SAC3D1: variants seen among roughly 807,000 people sequenced by gnomAD.
The protein encoded by SAC3D1 is SAC3 domain containing 1.
Under a neutral mutation model 12.7 loss-of-function variants are expected in SAC3D1, and 10 were observed. That is an observed-to-expected ratio of 0.79 (90% CI 0.49 to 1.34). The LOEUF (loss-of-function observed/expected upper bound fraction) is 1.34, where lower values mean the gene tolerates loss of function less well. Among genes scored for constraint, SAC3D1 ranks in the 40% most tolerant of loss-of-function variants. SAC3D1 has a pLI of 0.00. For missense variants in SAC3D1, 482 were observed against 531.1 expected (o/e 0.91, Z 0.91); for synonymous variants, 241 against 250.8 (o/e 0.96, Z 0.37).
intron 1 of SAC3D1, 128 bp downstream of exon 1, chr11:65,041,994 C>A: frequency 7.5e-6 from 9 of 1,206,862 alleles, no homozygotes; most frequent in Non-Finnish European, 8.3e-6. Context: ...GCACAAGATC[C>A]ACCGAGCCCC....
In SAC3D1 at chr11:65,044,653, G is replaced by A; in HGVS notation, c.1003G>A (p.Gly335Arg). Residue 335 changes from glycine to arginine, a missense_variant, in exon 2 of 2, where the codon GGA becomes AGA. By Grantham distance (125) the Gly-to-Arg change is moderately radical (BLOSUM62 -2). Coordinates refer to ENST00000652489, the MANE Select transcript of SAC3D1 (RefSeq NM_013299.4). The surrounding 1 kb of genome is among the most constrained non-coding windows in gnomAD (Gnocchi z 4.0). ...GGTGTTAGTGGAGAGCAAACTTCGAGGACGTACCCTGGAGGAGGTGGTCAT... is the reference window on the plus strand; with the variant it reads ...GGTGTTAGTGGAGAGCAAACTTCGAAGACGTACCCTGGAGGAGGTGGTCAT... ...CKVLVESKLR[G>R]RTLEEVVMAE... 2 of 1,613,834 alleles carry A rather than the reference G, an allele frequency of 1.2e-6. No individual in the cohort carries two copies. Among genetic ancestry groups the A allele is most frequent in the Admixed American group, 1.7e-5 (1 of 60,020 alleles).
chr11:65,041,850 T>A lies in SAC3D1; in HGVS notation c.558T>A (p.Phe186Leu). 1 of 1,467,412 alleles carries A rather than the reference T, an allele frequency of 6.8e-7. No individual in the cohort carries two copies. The highest frequency in any genetic ancestry group is 9.0e-7 in the Non-Finnish European group (1 of 1,116,520). The allele number at this position is 1,467,412 out of a possible 1,614,324, so 90.9% of individuals were successfully genotyped here. Reference sequence around the variant, plus strand: ...GCCAACCCGCCTTCCAGGGCCTCTTTCTGCTCTATAACCTGGGTGAGTCGG... The same window carrying A: ...GCCAACCCGCCTTCCAGGGCCTCTTACTGCTCTATAACCTGGGTGAGTCGG... ...HPRQPAFQGL[F>L]LLYNLGSVEA... Residue 186 changes from phenylalanine (F) to leucine (L), a missense_variant, in exon 1 of 2, where the codon TTT (phenylalanine) becomes TTA (leucine). Phe to Leu is a conservative substitution (Grantham distance 22, BLOSUM62 0). Coordinates refer to ENST00000652489, the MANE Select transcript of SAC3D1 (RefSeq NM_013299.4).
intron 1 of SAC3D1, chr11:65,043,216 G>A: frequency 3.4e-6 from 1 of 292,096 alleles, no homozygotes; most frequent in Non-Finnish European, 6.9e-6. Context: ...GGGTGGTGAG[G>A]TGACTTGCCT....
upstream of SAC3D1, chr11:65,040,972 A>C (rs1353144801): frequency 2.4e-6 from 1 of 423,134 alleles, no homozygotes; most frequent in Non-Finnish European, 4.3e-6. Context: ...ACACGTTAAA[A>C]ACACTAAGGG....
In SAC3D1 at chr11:65,044,462, A is replaced by C; in HGVS notation, c.812A>C (p.Gln271Pro). ...CGTGCCTTTAGCACCCCCAAGGGCCAGACCTTGCCTCTGGGCTTCATGGTC... is the reference window on the plus strand; with the variant it reads ...CGTGCCTTTAGCACCCCCAAGGGCCCGACCTTGCCTCTGGGCTTCATGGTC... ...FARAFSTPKGQTLPLGFMVNL... is the reference protein window; with the variant it reads ...FARAFSTPKGPTLPLGFMVNL... The change falls in exon 2 of 2, where the codon CAG becomes CCG. Residue 271 changes from glutamine to proline, a missense_variant. Gln to Pro is a moderately conservative substitution (Grantham distance 76). This residue lies in a region of SAC3D1 where 225 missense variants were observed against 241.1 expected (regional missense o/e 0.93). Coordinates refer to ENST00000652489, the MANE Select transcript of SAC3D1 (RefSeq NM_013299.4). This position sits in a 1 kb window ranked among gnomAD's most constrained non-coding sequence, Gnocchi z 4.0. The C allele has an allele frequency of 6.2e-7, 1 of 1,614,010 alleles. No individual in the cohort carries two copies. Among genetic ancestry groups the C allele is most frequent in the Non-Finnish European group, 8.5e-7 (1 of 1,180,038 alleles).
chr11:65,044,635 G>A lies in SAC3D1; in HGVS notation c.985G>A (p.Val329Met). ...GCCTGCCAGTACGTGCAAGGTGTTA[G>A]TGGAGAGCAAACTTCGAGGACGTAC... ...LPPASTCKVL[V>M]ESKLRGRTLE... The change falls in exon 2 of 2, where the codon GTG (valine) becomes ATG (methionine). Residue 329 changes from valine (V) to methionine (M), a missense_variant. Val to Met is a conservative substitution (Grantham distance 21). Transcript: ENST00000652489. The surrounding 1 kb of genome is among the most constrained non-coding windows in gnomAD (Gnocchi z 4.0). The A allele has an allele frequency of 6.2e-7, 1 of 1,613,962 alleles. No individual in the cohort carries two copies. Among genetic ancestry groups the A allele is most frequent in the Non-Finnish European group, 8.5e-7 (1 of 1,180,026 alleles).
At chr11:65,043,419 G>GACA (rs1254623039) in intron 1 of SAC3D1, among the ~76,000 whole-genome samples, 1 of 151,998 alleles carries the variant, frequency 6.6e-6, no homozygotes, top group Non-Finnish European at 1.5e-5. Flanking sequence ...GAGCCACTGT[G>GACA]CCCAAATAAG....
chr11:65,041,577 C>T lies in SAC3D1; in HGVS notation c.285C>T (p.Ala95=), dbSNP rs374738775. The change falls in exon 1 of 2, where the codon GCC becomes GCT. Residue 95 remains alanine (A), a synonymous_variant. Coordinates refer to ENST00000652489, the MANE Select transcript of SAC3D1 (RefSeq NM_013299.4). ...CGGAGAGCGCCGACATCGCCCGCGC[C>T]GAGGTGGCCAGCTTCGTGGCAGACC... ...EVAESADIAR[A]EVASFVADRL... 8.1e-6 allele frequency: 12 copies of T among 1,477,586 alleles called. No homozygotes were observed. Among genetic ancestry groups the T allele is most frequent in the Admixed American group, 6.9e-5 (3 of 43,486 alleles). 91.5% of individuals were successfully genotyped at this position (1,477,586 alleles called of 1,614,324 possible).
upstream of SAC3D1, chr11:65,041,184 G>A (rs1292483053): frequency 1.8e-6 from 2 of 1,090,260 alleles, no homozygotes; most frequent in Non-Finnish European, 2.5e-6. Context: ...GACAGGTTCA[G>A]CCCCGCCCCG....
chr11:65,044,357 A>G lies in SAC3D1; in HGVS notation c.707A>G (p.Gln236Arg). 6.2e-7 allele frequency: 1 copy of G among 1,613,492 alleles called. No individual in the cohort carries two copies. Among genetic ancestry groups the G allele is most frequent in the Non-Finnish European group, 8.5e-7 (1 of 1,180,024 alleles). Reference protein sequence around the residue: ...GNAARLFRLLQTLPYLPSCAV... With the variant: ...GNAARLFRLLRTLPYLPSCAV... ...GCTGCCCGCCTGTTCCGTCTGCTCCAGACCCTGCCCTACCTGCCAAGTTGC... is the reference window on the plus strand; with the variant it reads ...GCTGCCCGCCTGTTCCGTCTGCTCCGGACCCTGCCCTACCTGCCAAGTTGC... The change falls in exon 2 of 2, where the codon CAG (glutamine) becomes CGG (arginine). Residue 236 changes from glutamine (Q) to arginine (R), a missense_variant. Gln to Arg is a conservative substitution (Grantham distance 43). Coordinates refer to ENST00000652489, the MANE Select transcript of SAC3D1 (RefSeq NM_013299.4). The surrounding 1 kb of genome is among the most constrained non-coding windows in gnomAD (Gnocchi z 4.0).
At position 65,044,640 on chromosome 11, in the gene SAC3D1, G is replaced by C; in HGVS notation, c.990G>C (p.Glu330Asp). Residue 330 changes from glutamate (E) to aspartate (D), a missense_variant, in exon 2 of 2, where the codon GAG (glutamate) becomes GAC (aspartate). By Grantham distance (45) the Glu-to-Asp change is conservative. Coordinates refer to ENST00000652489, the MANE Select transcript of SAC3D1 (RefSeq NM_013299.4). This position sits in a 1 kb window ranked among gnomAD's most constrained non-coding sequence, Gnocchi z 4.0. ...PPASTCKVLVESKLRGRTLEE... is the reference protein window; with the variant it reads ...PPASTCKVLVDSKLRGRTLEE... ...CCAGTACGTGCAAGGTGTTAGTGGAGAGCAAACTTCGAGGACGTACCCTGG... is the reference window on the plus strand; with the variant it reads ...CCAGTACGTGCAAGGTGTTAGTGGACAGCAAACTTCGAGGACGTACCCTGG... 1.2e-6 allele frequency: 2 copies of C among 1,613,932 alleles called. No homozygotes were observed. The highest frequency in any genetic ancestry group is 1.7e-6 in the Non-Finnish European group (2 of 1,180,034).
chr11:65,041,219 C>A lies in SAC3D1; in HGVS notation c.-74C>A, dbSNP rs1411504749. On this transcript the variant is annotated 5_prime_UTR_variant, in exon 1 of 2. Transcript: ENST00000652489. ...GACCCGCCGCTCCCCACCCCCCGGCCGGCCTCGCGTGCCTTCCCGCAGCAC... is the reference window on the plus strand; with the variant it reads ...GACCCGCCGCTCCCCACCCCCCGGCAGGCCTCGCGTGCCTTCCCGCAGCAC... 1.4e-6 allele frequency: 2 copies of A among 1,391,358 alleles called. No individual in the cohort carries two copies. The highest frequency in any genetic ancestry group is 2.9e-5 in the Admixed American group (1 of 35,072). The allele number at this position is 1,391,358 out of a possible 1,614,324, so 86.2% of individuals were successfully genotyped here.
intron 1 of SAC3D1, among the ~76,000 whole-genome samples, chr11:65,042,241 G>A (rs1289530012): frequency 2.0e-5 from 3 of 151,956 alleles, no homozygotes; most frequent in Non-Finnish European, 4.4e-5. Flanking sequence ...GGGATCACAG[G>A]CGCGCGCCAC....
chr11:65,041,502 T>A lies in SAC3D1; in HGVS notation c.210T>A (p.Arg70=). ...GKPRPPPSQL[R]PPSVLLATVR... ...CCCGGCCCCCGCCCAGCCAGTTGCG[T>A]CCGCCCTCCGTGCTGCTGGCCACCG... Residue 70 remains arginine, a synonymous_variant, in exon 1 of 2, where the codon CGT becomes CGA. Coordinates refer to ENST00000652489, the MANE Select transcript of SAC3D1 (RefSeq NM_013299.4). 3 of 1,466,838 alleles carry A rather than the reference T, an allele frequency of 2.0e-6. No homozygotes were observed. Among genetic ancestry groups the A allele is most frequent in the Non-Finnish European group, 2.7e-6 (3 of 1,116,102 alleles). 90.9% of individuals were successfully genotyped at this position (1,466,838 alleles called of 1,614,324 possible).
In SAC3D1 at chr11:65,044,588, G is replaced by A. The variant is rs758781513; in HGVS notation, c.938G>A (p.Arg313His). 3.9e-5 allele frequency: 63 copies of A among 1,613,982 alleles called. No individual in the cohort carries two copies. Among genetic ancestry groups the A allele is most frequent in the Admixed American group, 8.3e-5 (5 of 60,010 alleles). Reference sequence around the variant, plus strand: ...GAGAGAGTTGTGTTCCTGAGGGGTCGCTACGTGGAGGAAGGGCTACCGCCT... The same window carrying A: ...GAGAGAGTTGTGTTCCTGAGGGGTCACTACGTGGAGGAAGGGCTACCGCCT... ...GEERVVFLRG[R>H]YVEEGLPPAS... The change falls in exon 2 of 2, where the codon CGC becomes CAC. Residue 313 changes from arginine (R) to histidine (H), a missense_variant. This residue lies in a region of SAC3D1 where 225 missense variants were observed against 241.1 expected (regional missense o/e 0.93). Coordinates refer to ENST00000652489, the MANE Select transcript of SAC3D1 (RefSeq NM_013299.4). The surrounding 1 kb of genome is among the most constrained non-coding windows in gnomAD (Gnocchi z 4.0).
chr11:65,041,992 T>C (rs975995987), intron 1 of SAC3D1, 126 bp downstream of exon 1: 1 of 1,213,952 alleles, frequency 8.2e-7, no homozygotes, highest in Non-Finnish European at 1.0e-6. Flanking sequence ...CAGCACAAGA[T>C]CCACCGAGCC....
Position 65,044,330 on chromosome 11 carries a change from A to T in SAC3D1, c.680A>T (p.Asn227Ile). 6.2e-7 allele frequency: 1 copy of T among 1,613,334 alleles called. No homozygotes were observed. Among genetic ancestry groups the T allele is most frequent in the Non-Finnish European group, 8.5e-7 (1 of 1,180,010 alleles). The change falls in exon 2 of 2, where the codon AAT becomes ATT. Residue 227 changes from asparagine (N) to isoleucine (I), a missense_variant. This residue lies in a region of SAC3D1 where 225 missense variants were observed against 241.1 expected (regional missense o/e 0.93). Transcript: ENST00000652489. This position sits in a 1 kb window ranked among gnomAD's most constrained non-coding sequence, Gnocchi z 4.0. The stretch of plus-strand genomic sequence containing the variant: ...GTAGATGCTGCCTTCCGAGAGGGCA[A>T]TGCTGCCCGCCTGTTCCGTCTGCTC... ...LAVDAAFREG[N>I]AARLFRLLQT... is the part of the protein sequence containing the mutation.
rs930109835 is a variant in SAC3D1 at position 65,041,420 on chromosome 11, C to A, written c.128C>A (p.Pro43His). 6.6e-7 allele frequency: 1 copy of A among 1,504,894 alleles called. No homozygotes were observed. Among genetic ancestry groups the A allele is most frequent in the Non-Finnish European group, 8.8e-7 (1 of 1,133,830 alleles). The allele number at this position is 1,504,894 out of a possible 1,614,324, so 93.2% of individuals were successfully genotyped here. The change falls in exon 1 of 2, where the codon CCC (proline) becomes CAC (histidine). Residue 43 changes from proline to histidine, a missense_variant. Pro to His is a moderately conservative substitution (Grantham distance 77). This residue lies in a region of SAC3D1 where 197 missense variants were observed against 183.2 expected (regional missense o/e 1.08). Coordinates refer to ENST00000652489, the MANE Select transcript of SAC3D1 (RefSeq NM_013299.4). ...GTGCCGGGTTGCCGCCAGGACCCGCCCCGCGCGGATCCGCAGCGCGCGGTG... is the reference window on the plus strand; with the variant it reads ...GTGCCGGGTTGCCGCCAGGACCCGCACCGCGCGGATCCGCAGCGCGCGGTG... ...EVVPGCRQDP[P>H]RADPQRAVKE...
rs1251138896 is a variant in SAC3D1, at chr11:65,041,278, C to T, written c.-15C>T. 2.7e-6 allele frequency: 4 copies of T among 1,493,818 alleles called. No individual in the cohort carries two copies. Among genetic ancestry groups the T allele is most frequent in the Non-Finnish European group, 3.5e-6 (4 of 1,129,436 alleles). The allele number at this position is 1,493,818 out of a possible 1,614,324, so 92.5% of individuals were successfully genotyped here. ...CCGGGATGCTGAGCGCCCACCGTCTCCCCGCAGCCCCCTCATGCCCGGCTG... is the reference window on the plus strand; with the variant it reads ...CCGGGATGCTGAGCGCCCACCGTCTTCCCGCAGCCCCCTCATGCCCGGCTG... On this transcript the variant is annotated 5_prime_UTR_variant, in exon 1 of 2. Coordinates refer to ENST00000652489, the MANE Select transcript of SAC3D1 (RefSeq NM_013299.4).
Sources: gnomAD v4.1 joint callset for allele counts (sites outside exome capture counted in the v4.1 genomes callset) on GRCh38, gnomAD v4.1.1 for gene constraint, gnomAD v4.1.1 regional missense constraint, Gnocchi (gnomAD v3.1) non-coding constraint, MANE v1.5 for transcripts, NCBI Gene and HGNC (gene_info 2026-07-23, HGNC 2026-07-21) for gene names.